RPRD1A: variants seen among roughly 807,000 people sequenced by gnomAD.
RPRD1A encodes the protein regulation of nuclear pre-mRNA domain containing 1A, also known as regulation of nuclear pre-mRNA domain-containing protein 1A.
A neutral mutation model predicts 37.8 loss-of-function variants in RPRD1A; 9 were observed. The observed-to-expected ratio is 0.24, with a 90% confidence interval of 0.14 to 0.42. RPRD1A has a LOEUF of 0.42. RPRD1A is among the 10% of genes least tolerant of loss of function. The pLI is 1.00. For missense variants in RPRD1A, 255 were observed against 371.0 expected (o/e 0.69, Z 2.57); for synonymous variants, 138 against 139.7 (o/e 0.99, Z 0.08).
chr18:35,996,271 T>C (rs113168653), intron 6 of RPRD1A, among the ~76,000 whole-genome samples: 26 of 152,200 alleles, frequency 1.7e-4, no homozygotes, highest in Non-Finnish European at 7.3e-5. Context: ...AAAACTTTTT[T>C]TTTTTAAAGA....
At chr18:36,042,341 T>TCTACCA (rs1912641264) in intron 1 of RPRD1A, among the ~76,000 whole-genome samples, 1 of 152,212 alleles carries the variant, frequency 6.6e-6, no homozygotes, top group African/African-American at 2.4e-5. Flanking sequence ...TTGAGAGCAA[T>TCTACCA]GACTGTCAAA....
intron 6 of RPRD1A, among the ~76,000 whole-genome samples, chr18:35,997,344 A>G (rs1909133333): frequency 6.6e-6 from 1 of 152,238 alleles, no homozygotes; most frequent in South Asian, 2.1e-4. Flanking sequence ...CCATTCACAT[A>G]TCACATATAT....
At chr18:36,060,336 G>A (rs1296385390) in intron 1 of RPRD1A, among the ~76,000 whole-genome samples, 2 of 152,058 alleles carry the variant, frequency 1.3e-5, no homozygotes, top group African/African-American at 4.8e-5. Context: ...GGGAGGCTGA[G>A]ACAGGAGAAT....
At chr18:36,016,156 A>C (rs1258911540) in intron 6 of RPRD1A, among the ~76,000 whole-genome samples, 4 of 152,330 alleles carry the variant, frequency 2.6e-5, no homozygotes, top group Non-Finnish European at 5.9e-5. Context: ...GACCAAATGA[A>C]TTTACATCAA....
chr18:36,008,589 A>ATATATATATATATATATATATATCTC (rs71381561), intron 6 of RPRD1A, among the ~76,000 whole-genome samples: 6 of 90,816 alleles, frequency 6.6e-5, no homozygotes, highest in Non-Finnish European at 1.1e-4. Flanking sequence ...ATATATATAT[A>ATATATATATATATATATATATATCTC]TCTTTAAAAA....
At chr18:36,051,653 A>G (rs537352808) in intron 1 of RPRD1A, among the ~76,000 whole-genome samples, 8 of 152,344 alleles carry the variant, frequency 5.3e-5, no homozygotes, top group African/African-American at 1.9e-4. Flanking sequence ...TAAAGAAGTA[A>G]GTTCAGTCCT....
intron 2 of RPRD1A, among the ~76,000 whole-genome samples, chr18:36,031,920 C>T (rs192826554): frequency 8.7e-4 from 132 of 152,334 alleles, no homozygotes; most frequent in African/African-American, 3.0e-3. Context: ...GTACACACTC[C>T]CTAATACCTA....
intron 1 of RPRD1A, among the ~76,000 whole-genome samples, chr18:36,056,620 T>C (rs1376140409): frequency 6.6e-6 from 1 of 152,138 alleles, no homozygotes; most frequent in African/African-American, 2.4e-5. Flanking sequence ...ATTATTTGCA[T>C]ATTACCTACT....
intron 1 of RPRD1A, among the ~76,000 whole-genome samples, chr18:36,043,679 T>G (rs988360774): frequency 2.0e-5 from 3 of 152,132 alleles, no homozygotes; most frequent in East Asian, 3.8e-4. Flanking sequence ...AGACTAAAAC[T>G]TTTTTGTTTT....
At chr18:35,999,376 A>G (rs1317604174) in intron 6 of RPRD1A, among the ~76,000 whole-genome samples, 1 of 152,178 alleles carries the variant, frequency 6.6e-6, no homozygotes, top group African/African-American at 2.4e-5. Flanking sequence ...TGGCCAAATT[A>G]TGTGGAAGTT....
rs1912536772 is a variant in RPRD1A at position 36,040,899 on chromosome 18, T to C, written c.152-7062A>G. The stretch of plus-strand genomic sequence containing the variant: ...AAGCAATTAACAAGAAAATATTTAC[T>C]ACACCTTCTAGAATTAAATAGTTCT... On this transcript the variant is annotated intron_variant, in intron 1 of 6. Transcript: ENST00000399022. The C allele has an allele frequency of 2.4e-6, 3 of 1,245,056 alleles. No individual in the cohort carries two copies. The African/African-American group carries it at 4.6e-5, about 19-fold the overall frequency. The allele number at this position is 1,245,056 out of a possible 1,614,324, so 77.1% of individuals were successfully genotyped here. A position where few individuals can be genotyped will look rare whatever the true frequency, so the allele number is the denominator to read the frequency against.
chr18:36,022,350 T>G (rs111306256), intron 6 of RPRD1A, among the ~76,000 whole-genome samples: 9,318 of 152,256 alleles, frequency 0.061, 304 homozygotes, highest in Non-Finnish European at 0.082. Flanking sequence ...GTGGCTACAC[T>G]AAACAACAGA....
intron 1 of RPRD1A, among the ~76,000 whole-genome samples, chr18:36,037,498 T>C (rs1035477136): frequency 2.0e-5 from 3 of 152,226 alleles, no homozygotes; most frequent in African/African-American, 7.2e-5. Context: ...CTCTTTCCTT[T>C]ATAAATTACC....
intron 1 of RPRD1A, 146 bp from the exon 2 acceptor site, chr18:36,033,983 C>G (rs917640087): frequency 5.1e-6 from 3 of 592,080 alleles, no homozygotes; most frequent in African/African-American, 1.9e-5. Context: ...CATTTTACTA[C>G]CAAACTAACC....
intron 1 of RPRD1A, among the ~76,000 whole-genome samples, chr18:36,045,966 G>C (rs1912924845): frequency 6.6e-6 from 1 of 152,184 alleles, no homozygotes; most frequent in Admixed American, 6.5e-5. Context: ...TAACTATACA[G>C]ACATTTTTGA....
At chr18:36,013,067 A>G (rs1389569651) in intron 6 of RPRD1A, among the ~76,000 whole-genome samples, 1 of 152,176 alleles carries the variant, frequency 6.6e-6, no homozygotes, top group Non-Finnish European at 1.5e-5. Flanking sequence ...GCAAAAATAG[A>G]GGCAAGGTCC....
Position 35,992,135 on chromosome 18 carries a change from CTGCCAAA to C in RPRD1A, c.*1009_*1015del, listed in dbSNP as rs1908750730. On this transcript the variant is annotated 3_prime_UTR_variant, in exon 7 of 7. Coordinates refer to ENST00000399022, the MANE Select transcript of RPRD1A (RefSeq NM_018170.5). Reference sequence around the variant, plus strand: ...TACCCTGTAGTGTGGCACTGCTTAACTGCCAAATATACAGTCATTCAAAAACCTTAAG... The same window carrying C: ...TACCCTGTAGTGTGGCACTGCTTAACTATACAGTCATTCAAAAACCTTAAG... The C allele has an allele frequency of 6.6e-6, 1 of 152,618 alleles. No homozygotes were observed. The highest frequency in any genetic ancestry group is 2.1e-4 in the South Asian group (1 of 4,834). The allele number at this position is 152,618 out of a possible 1,614,324, so 9.5% of individuals were successfully genotyped here.
chr18:36,033,298 T>G (rs1276651933), intron 2 of RPRD1A, among the ~76,000 whole-genome samples: 13 of 19,666 alleles, frequency 6.6e-4, no homozygotes, highest in African/African-American at 2.2e-3. Flanking sequence ...AGACTCTGTC[T>G]CAAAAAAAAA....
intron 6 of RPRD1A, among the ~76,000 whole-genome samples, chr18:36,017,011 TA>T (rs200236691): frequency 4.2e-4 from 61 of 145,882 alleles, no homozygotes; most frequent in East Asian, 6.0e-4. Context: ...ACTTTTGCAA[TA>T]AAAAAAAAAA....
Sources: allele counts gnomAD v4.1 joint callset (sites outside exome capture counted in the v4.1 genomes callset), GRCh38; gene constraint gnomAD v4.1.1; transcripts MANE v1.5; gene names NCBI Gene and HGNC (gene_info 2026-07-23, HGNC 2026-07-21).